The following ZNF475 variants were observed in gnomAD, a reference collection of about 807,000 sequenced individuals.
ZNF475 encodes zinc finger protein 475.
chr5:122,182,627 C>G, the ZNF475 span: 26 of 1,534,704 alleles, frequency 1.7e-5, no homozygotes, highest in Admixed American at 2.0e-5. Context: ...CTTGTAAACC[C>G]AAAGCCGCCA....
At chr5:122,175,738 T>C in the ZNF475 span, among the ~76,000 whole-genome samples, 1 of 152,162 alleles carries the variant, frequency 6.6e-6, no homozygotes, top group Non-Finnish European at 1.5e-5. Context: ...ACACCTCCAA[T>C]TGTGCCCTTA....
At chr5:122,167,395 T>C in the ZNF475 span, among the ~76,000 whole-genome samples, 1 of 152,262 alleles carries the variant, frequency 6.6e-6, no homozygotes, top group Non-Finnish European at 1.5e-5. Context: ...TAGGTCTTTT[T>C]ATTTGTTTTC....
At chr5:122,166,573 A>G in the ZNF475 span, among the ~76,000 whole-genome samples, 1 of 152,134 alleles carries the variant, frequency 6.6e-6, no homozygotes, top group East Asian at 1.9e-4. Context: ...ATTCCCACCT[A>G]TGAGTGAGAA....
chr5:122,172,586 G>C, the ZNF475 span, among the ~76,000 whole-genome samples: 1 of 152,156 alleles, frequency 6.6e-6, no homozygotes, highest in Non-Finnish European at 1.5e-5. Context: ...GATTTTCAAA[G>C]GCTATTGCTC....
the ZNF475 span, chr5:122,179,684 G>C: frequency 1.3e-6 from 2 of 1,533,074 alleles, no homozygotes; most frequent in Non-Finnish European, 1.7e-6. Context: ...TGCCTAAAGA[G>C]TTAAGGAGAC....
chr5:122,181,570 A>G, the ZNF475 span, among the ~76,000 whole-genome samples: 1 of 152,160 alleles, frequency 6.6e-6, no homozygotes, highest in Non-Finnish European at 1.5e-5. Context: ...TTTAAGGTTC[A>G]CTGTGGTTGT....
the ZNF475 span, among the ~76,000 whole-genome samples, chr5:122,174,099 G>A: frequency 6.6e-6 from 1 of 152,142 alleles, no homozygotes; most frequent in Non-Finnish European, 1.5e-5. Context: ...TCCTTACTCT[G>A]TTATGCCATG....
chr5:122,168,559 A>C, the ZNF475 span, among the ~76,000 whole-genome samples: 3 of 152,168 alleles, frequency 2.0e-5, no homozygotes. Context: ...AAAAATACAA[A>C]AAAATTAGCC....
the ZNF475 span, among the ~76,000 whole-genome samples, chr5:122,177,011 A>G: frequency 1.3e-5 from 2 of 152,194 alleles, no homozygotes; most frequent in African/African-American, 4.8e-5. Flanking sequence ...ATTTGAGTTC[A>G]AGTAGTTTAT....
the ZNF475 span, among the ~76,000 whole-genome samples, chr5:122,176,965 A>G: frequency 2.2e-3 from 332 of 152,274 alleles, 2 homozygotes; most frequent in African/African-American, 7.4e-3. Flanking sequence ...TAACTCTCCC[A>G]TAGATTTGGT....
At chr5:122,168,536 C>A in the ZNF475 span, among the ~76,000 whole-genome samples, 1 of 152,278 alleles carries the variant, frequency 6.6e-6, no homozygotes, top group Admixed American at 6.5e-5. Flanking sequence ...CACGGTGAAA[C>A]CCCGTCTCTA....
the ZNF475 span, chr5:122,162,246 C>CACA: frequency 2.6e-5 from 4 of 152,130 alleles, no homozygotes; most frequent in Non-Finnish European, 5.9e-5. Context: ...AAGAAAACTC[C>CACA]AAATCACAAG....
the ZNF475 span, among the ~76,000 whole-genome samples, chr5:122,174,294 G>C: frequency 2.0e-5 from 3 of 152,192 alleles, no homozygotes; most frequent in Non-Finnish European, 2.9e-5. Context: ...TGGCAGCTGG[G>C]GCAGTGGCAA....
At chr5:122,172,826 G>C in the ZNF475 span, among the ~76,000 whole-genome samples, 16 of 152,134 alleles carry the variant, frequency 1.1e-4, no homozygotes, top group African/African-American at 3.6e-4. Flanking sequence ...GAGGTCAGGA[G>C]ATCGAGACCA....
the ZNF475 span, among the ~76,000 whole-genome samples, chr5:122,171,970 C>G: frequency 6.6e-6 from 1 of 152,146 alleles, no homozygotes; most frequent in African/African-American, 2.4e-5. Flanking sequence ...GTCTCAAACC[C>G]TTCGGCTCAA....
At chr5:122,180,208 A>T in the ZNF475 span, 3 of 152,546 alleles carry the variant, frequency 2.0e-5, no homozygotes, top group African/African-American at 7.2e-5. Context: ...TATAACATTG[A>T]GTAAACTGGT....
At chr5:122,160,219 T>G in the ZNF475 span, 2 of 1,289,780 alleles carry the variant, frequency 1.6e-6, no homozygotes, top group Non-Finnish European at 2.0e-6. Context: ...AGGGCAGCAT[T>G]CTATGATCCC....
At chr5:122,178,929 G>T in the ZNF475 span, among the ~76,000 whole-genome samples, 1 of 152,066 alleles carries the variant, frequency 6.6e-6, no homozygotes, top group Non-Finnish European at 1.5e-5. Context: ...GTAAGGAAGG[G>T]GTCCAGCTTC....
the ZNF475 span, among the ~76,000 whole-genome samples, chr5:122,161,502 C>A: frequency 6.6e-6 from 1 of 152,166 alleles, no homozygotes; most frequent in African/African-American, 2.4e-5. Context: ...TCTTTCTGGC[C>A]TATCCAAGGT....
Sources: gnomAD v4.1 joint callset for allele counts (sites outside exome capture counted in the v4.1 genomes callset) on GRCh38, gnomAD v4.1.1 for gene constraint, MANE v1.5 for transcripts, NCBI Gene and HGNC (gene_info 2026-07-23, HGNC 2026-07-21) for gene names.